Variants in ZNF469 observed in about 807,000 individuals in gnomAD.
The protein encoded by ZNF469 is zinc finger protein 469.
ZNF469 carries 1 observed loss-of-function variant against 1.0 expected under a neutral mutation model. The observed-to-expected ratio is 1.00, with a 90% confidence interval of 0.35 to 4.73. The LOEUF is 4.73. ZNF469 is among the 30% of genes most tolerant of loss of function. ZNF469 has a pLI of 0.16. For synonymous variants in ZNF469, 2,703 were observed against 2,363.4 expected (o/e 1.14, Z -4.17); for missense variants, 6,100 against 5,356.3 (o/e 1.14, Z -4.33).
intron 1 of ZNF469, among the ~76,000 whole-genome samples, chr16:88,395,974 C>T (rs1288686674): frequency 1.3e-5 from 2 of 152,226 alleles, no homozygotes; most frequent in South Asian, 2.1e-4. Context: ...CTGCAGGTGA[C>T]GCCCTCCCAG....
At chr16:88,400,031 G>T (rs1425956718) in intron 1 of ZNF469, among the ~76,000 whole-genome samples, 1 of 152,240 alleles carries the variant, frequency 6.6e-6, no homozygotes, top group Non-Finnish European at 1.5e-5. Flanking sequence ...TGCCTCATAG[G>T]GTGAGTGAGG....
At chr16:88,171,320 T>G in the ZNF469 span, among the ~76,000 whole-genome samples, 2 of 152,324 alleles carry the variant, frequency 1.3e-5, no homozygotes, top group South Asian at 4.1e-4. Flanking sequence ...GAATTCGAAG[T>G]GATCACTGTC....
the ZNF469 span, among the ~76,000 whole-genome samples, chr16:88,146,965 T>G: frequency 0.066 from 10,056 of 151,824 alleles, 1,129 homozygotes; most frequent in African/African-American, 0.23. Flanking sequence ...AGAGAAACTG[T>G]CCCCACGTCA....
the ZNF469 span, among the ~76,000 whole-genome samples, chr16:88,157,926 A>T: frequency 6.6e-6 from 1 of 152,044 alleles, no homozygotes; most frequent in South Asian, 2.1e-4. Context: ...CGGGCCCCTC[A>T]TCCTCTCCTG....
chr16:88,252,847 C>G, the ZNF469 span, among the ~76,000 whole-genome samples: 420 of 152,250 alleles, frequency 2.8e-3, 2 homozygotes, highest in Non-Finnish European at 4.8e-3. Flanking sequence ...TTTCTCTCAT[C>G]TCTTTTCCAG....
the ZNF469 span, among the ~76,000 whole-genome samples, chr16:88,211,680 A>C: frequency 6.6e-6 from 1 of 152,224 alleles, no homozygotes; most frequent in African/African-American, 2.4e-5. Context: ...GTTTATATGC[A>C]GAACTGTGGG....
chr16:88,202,371 C>A, the ZNF469 span, among the ~76,000 whole-genome samples: 9 of 152,290 alleles, frequency 5.9e-5, no homozygotes, highest in African/African-American at 1.9e-4. Flanking sequence ...TAGAGTGAGG[C>A]TCTGGCTGTC....
intron 1 of ZNF469, among the ~76,000 whole-genome samples, chr16:88,420,169 G>A (rs888831899): frequency 4.6e-5 from 7 of 152,206 alleles, no homozygotes; most frequent in Admixed American, 3.3e-4. Flanking sequence ...GCTCCCCCTC[G>A]CCTGGAACCC....
At chr16:88,225,731 A>G in the ZNF469 span, among the ~76,000 whole-genome samples, 2 of 152,176 alleles carry the variant, frequency 1.3e-5, no homozygotes, top group Non-Finnish European at 2.9e-5. Context: ...TTCCCATCAC[A>G]TGAGGACACA....
chr16:88,373,638 A>C, the ZNF469 span, among the ~76,000 whole-genome samples: 20 of 152,310 alleles, frequency 1.3e-4, no homozygotes, highest in African/African-American at 4.6e-4. Context: ...TGCTCACATC[A>C]CAGTCACATT....
the ZNF469 span, among the ~76,000 whole-genome samples, chr16:88,357,924 A>G: frequency 6.6e-6 from 1 of 152,234 alleles, no homozygotes; most frequent in Non-Finnish European, 1.5e-5. Context: ...CCTCTTCTGC[A>G]GGCGCCTTCC....
rs1037496789 is a variant in ZNF469 at position 88,437,356 on chromosome 16, C to A, written c.9886C>A (p.Leu3296Met). ...ATPDSASATA[L>M]ADAGSPGPPR... is the part of the protein sequence containing the mutation. ...CCCAGACAGCGCCTCTGCCACCGCC[C>A]TGGCTGACGCCGGCAGCCCGGGCCC... The change falls in exon 3 of 3, where the codon CTG becomes ATG. Residue 3296 changes from leucine (L) to methionine (M), a missense_variant. Physicochemically the swap from Leu to Met is conservative, Grantham distance 15. Transcript: ENST00000565624. The A allele has an allele frequency of 6.5e-7, 1 of 1,542,682 alleles. No homozygotes were observed. Among genetic ancestry groups the A allele is most frequent in the Admixed American group, 2.0e-5 (1 of 50,640 alleles).
At chr16:88,304,806 G>A in the ZNF469 span, among the ~76,000 whole-genome samples, 1 of 152,194 alleles carries the variant, frequency 6.6e-6, no homozygotes, top group African/African-American at 2.4e-5. Context: ...TCTGGCTAAG[G>A]AGGCAGTGTA....
In ZNF469 at chr16:88,436,094, C is replaced by A; in HGVS notation, c.8624C>A (p.Pro2875Gln). ...PGGRLTRKRNPHVYGKRCEKP... is the reference protein window; with the variant it reads ...PGGRLTRKRNQHVYGKRCEKP... Reference sequence around the variant, plus strand: ...GGTCGCTTGACTAGAAAGAGGAACCCGCATGTCTACGGGAAGCGCTGTGAG... The same window carrying A: ...GGTCGCTTGACTAGAAAGAGGAACCAGCATGTCTACGGGAAGCGCTGTGAG... The change falls in exon 3 of 3, where the codon CCG (proline) becomes CAG (glutamine). Residue 2875 changes from proline to glutamine, a missense_variant. Physicochemically the swap from Pro to Gln is moderately conservative, Grantham distance 76 (BLOSUM62 -1). Coordinates refer to ENST00000565624, the MANE Select transcript of ZNF469 (RefSeq NM_001367624.2). The A allele has an allele frequency of 6.5e-7, 1 of 1,549,792 alleles. No homozygotes were observed. The highest frequency in any genetic ancestry group is 8.7e-7 in the Non-Finnish European group (1 of 1,146,966).
At chr16:88,360,639 A>C in the ZNF469 span, among the ~76,000 whole-genome samples, 1 of 100,130 alleles carries the variant, frequency 1.0e-5, no homozygotes, top group African/African-American at 4.5e-5. Context: ...GTCCACCCCC[A>C]GACAGCGCCC....
At chr16:88,282,315 A>C in the ZNF469 span, among the ~76,000 whole-genome samples, 3 of 152,140 alleles carry the variant, frequency 2.0e-5, no homozygotes, top group Admixed American at 6.5e-5. Context: ...TTCCAGGGTG[A>C]AAAGTGGGGT....
the ZNF469 span, among the ~76,000 whole-genome samples, chr16:88,225,616 A>AC: frequency 6.6e-6 from 1 of 151,562 alleles, no homozygotes; most frequent in African/African-American, 2.4e-5. Context: ...GTGTGTTGAA[A>AC]CCCCACCCCC....
the ZNF469 span, among the ~76,000 whole-genome samples, chr16:88,102,328 G>C: frequency 0.011 from 1,605 of 152,228 alleles, 28 homozygotes; most frequent in African/African-American, 0.037. Context: ...GAGCAGCCTG[G>C]CCAACATGGT....
chr16:88,290,086 T>C, the ZNF469 span, among the ~76,000 whole-genome samples: 1 of 152,184 alleles, frequency 6.6e-6, no homozygotes, highest in African/African-American at 2.4e-5. Context: ...ATGGACATCG[T>C]GGGTGAGCTG....
Sources: gnomAD v4.1 joint callset for allele counts (sites outside exome capture counted in the v4.1 genomes callset) on GRCh38, gnomAD v4.1.1 for gene constraint, MANE v1.5 for transcripts, NCBI Gene and HGNC (gene_info 2026-07-23, HGNC 2026-07-21) for gene names.